The following NTPCR variants were observed in gnomAD, a reference collection of about 807,000 sequenced individuals.
NTPCR encodes nucleoside-triphosphatase, cancer-related.
A neutral mutation model predicts 19.5 loss-of-function variants in NTPCR; 15 were observed. The ratio of observed to expected loss-of-function variants is 0.77; its 90% CI spans 0.51 to 1.18. NTPCR has a LOEUF of 1.18. NTPCR is among the 50% of genes most tolerant of loss of function. The pLI, the probability that NTPCR is intolerant of heterozygous loss-of-function variation, is 0.00. For missense variants in NTPCR, 206 were observed against 240.4 expected (o/e 0.86, Z 0.95); for synonymous variants, 90 against 95.8 (o/e 0.94, Z 0.36).
intron 3 of NTPCR, among the ~76,000 whole-genome samples, chr1:232,957,542 T>A (rs918247166): frequency 1.3e-5 from 2 of 152,244 alleles, no homozygotes; most frequent in South Asian, 4.1e-4. Flanking sequence ...CACTTCTTTC[T>A]TTATTTTAGT....
At chr1:232,957,046 C>A (rs150894342) in intron 3 of NTPCR, among the ~76,000 whole-genome samples, 1 of 152,252 alleles carries the variant, frequency 6.6e-6, no homozygotes, top group East Asian at 1.9e-4. Flanking sequence ...AGTATTTAGT[C>A]TTTCACCATT....
In NTPCR at chr1:232,956,538, G is replaced by T. The variant is rs566222083; in HGVS notation, c.294+95G>T. On this transcript the variant is annotated intron_variant, in intron 3 of 4. Coordinates refer to ENST00000366628, the MANE Select transcript of NTPCR (RefSeq NM_032324.3). ...AACAGAATGCCTTTTGCTCTTAAAGGCCCCAGTTTTGCATTTTACAATTGA... is the reference window on the plus strand; with the variant it reads ...AACAGAATGCCTTTTGCTCTTAAAGTCCCCAGTTTTGCATTTTACAATTGA... The T allele has an allele frequency of 1.6e-5, 13 of 816,116 alleles. No homozygotes were observed. In the African/African-American group the frequency reaches 1.9e-4, roughly 12 times the overall value. 50.6% of individuals were successfully genotyped at this position (816,116 alleles called of 1,614,324 possible). A position where few individuals can be genotyped will look rare whatever the true frequency, so the allele number is the denominator to read the frequency against.
rs959754193 is a variant in NTPCR at position 232,981,782 on chromosome 1, A to G, written c.*3551A>G. 1 of 138,120 alleles carries G rather than the reference A, an allele frequency of 7.2e-6. No individual in the cohort carries two copies. The highest frequency in any genetic ancestry group is 2.8e-5 in the African/African-American group (1 of 36,186). 8.6% of individuals were successfully genotyped at this position (138,120 alleles called of 1,614,324 possible). On this transcript the variant is annotated 3_prime_UTR_variant, in exon 5 of 5. Coordinates refer to ENST00000366628, the MANE Select transcript of NTPCR (RefSeq NM_032324.3). ...GCTTGAGCTGGAGTGCAGTGGTGCT[A>G]TCTCGGCTCACTGTAACCTCCGCCT...
intron 4 of NTPCR, 105 bp downstream of exon 4, chr1:232,970,223 T>C: frequency 2.2e-6 from 2 of 900,284 alleles, no homozygotes; most frequent in Non-Finnish European, 1.7e-6. Context: ...ATTTTTTCCC[T>C]TCCATGCTGA....
chr1:232,960,639 G>T (rs74230943), intron 3 of NTPCR, among the ~76,000 whole-genome samples: 6,655 of 152,222 alleles, frequency 0.044, 201 homozygotes, highest in South Asian at 0.086. Context: ...ACTGTGCCTA[G>T]CCTGGTTACG....
At chr1:232,974,491 A>G (rs535554883) in intron 4 of NTPCR, among the ~76,000 whole-genome samples, 76 of 152,340 alleles carry the variant, frequency 5.0e-4, no homozygotes, top group African/African-American at 1.8e-3. Flanking sequence ...TATGTTTGAC[A>G]GTTGAGGCAA....
chr1:232,968,875 C>G (rs1315853773), intron 3 of NTPCR: 1 of 152,206 alleles, frequency 6.6e-6, no homozygotes, highest in Non-Finnish European at 1.5e-5. Context: ...ATTACATGTT[C>G]TGTTTTGTCC....
chr1:232,957,287 A>T (rs1007646094), intron 3 of NTPCR, among the ~76,000 whole-genome samples: 9 of 152,096 alleles, frequency 5.9e-5, no homozygotes, highest in Non-Finnish European at 7.4e-5. Context: ...TTTTCTTTGA[A>T]TAATTGATAG....
intron 1 of NTPCR, among the ~76,000 whole-genome samples, chr1:232,952,234 G>A (rs2102734185): frequency 6.6e-6 from 1 of 152,200 alleles, no homozygotes; most frequent in Middle Eastern, 3.4e-3. Flanking sequence ...TTTAGAGACA[G>A]GATCTTGCTT....
chr1:232,953,730 G>A (rs574086412), intron 1 of NTPCR, among the ~76,000 whole-genome samples: 33 of 151,152 alleles, frequency 2.2e-4, no homozygotes, highest in East Asian at 5.8e-4. Context: ...CTGTAGACAC[G>A]TACTTGACCA....
Position 232,978,554 on chromosome 1 carries a change from G to A in NTPCR, c.*323G>A, listed in dbSNP as rs141858092. On this transcript the variant is annotated 3_prime_UTR_variant, in exon 5 of 5. Coordinates refer to ENST00000366628, the MANE Select transcript of NTPCR (RefSeq NM_032324.3). ...AGAGTATTAGATGGAATTCACCCCC[G>A]TTGAAGTTTATAAATGTGTTCAGGG... 3 of 207,512 alleles carry A rather than the reference G, an allele frequency of 1.4e-5. No homozygotes were observed. Among genetic ancestry groups the A allele is most frequent in the East Asian group, 1.1e-4 (1 of 8,860 alleles). 12.9% of individuals were successfully genotyped at this position (207,512 alleles called of 1,614,324 possible).
At chr1:232,957,543 T>G (rs1348165119) in intron 3 of NTPCR, among the ~76,000 whole-genome samples, 1 of 152,234 alleles carries the variant, frequency 6.6e-6, no homozygotes, top group African/African-American at 2.4e-5. Context: ...ACTTCTTTCT[T>G]TATTTTAGTT....
At chr1:232,969,739 C>T (rs1394619726) in intron 3 of NTPCR, 170 bp from the exon 4 acceptor site, 1 of 568,892 alleles carries the variant, frequency 1.8e-6, no homozygotes, top group Non-Finnish European at 3.1e-6. Flanking sequence ...TTGTGCAGTC[C>T]CCTCCCACAC....
chr1:232,953,198 C>A (rs2102735496), intron 1 of NTPCR, among the ~76,000 whole-genome samples: 1 of 152,170 alleles, frequency 6.6e-6, no homozygotes, highest in Middle Eastern at 3.4e-3. Context: ...ATCATGTTGT[C>A]ACTGCCCAGG....
Position 232,956,451 on chromosome 1 carries a change from C to T in NTPCR, c.294+8C>T, listed in dbSNP as rs749440000. The T allele has an allele frequency of 4.7e-5, 75 of 1,589,550 alleles. No individual in the cohort carries two copies. Among genetic ancestry groups the T allele is most frequent in the East Asian group, 8.9e-5 (4 of 44,764 alleles). On this transcript the variant is annotated splice_region_variant and intron_variant, in intron 3 of 4. Coordinates refer to ENST00000366628, the MANE Select transcript of NTPCR (RefSeq NM_032324.3). ...CTACCCGTCTTGAGGAATGTGAGTACGTGATTTCTGCTTTTTGAACCCATC... is the reference window on the plus strand; with the variant it reads ...CTACCCGTCTTGAGGAATGTGAGTATGTGATTTCTGCTTTTTGAACCCATC...
intron 2 of NTPCR, among the ~76,000 whole-genome samples, 172 bp from the exon 3 acceptor site, chr1:232,956,175 T>G (rs1000677617): frequency 2.0e-5 from 3 of 152,126 alleles, no homozygotes; most frequent in African/African-American, 7.2e-5. Context: ...ACAGGGTAGC[T>G]CTGTTCAAAG....
intron 4 of NTPCR, among the ~76,000 whole-genome samples, chr1:232,971,138 T>C (rs1174008328): frequency 6.6e-6 from 1 of 152,212 alleles, no homozygotes; most frequent in Admixed American, 6.5e-5. Context: ...CCCTCTGTTT[T>C]CCTCTCAGTC....
chr1:232,973,055 ATG>A (rs1669026148), intron 4 of NTPCR, among the ~76,000 whole-genome samples: 1 of 152,212 alleles, frequency 6.6e-6, no homozygotes, highest in Admixed American at 6.5e-5. Flanking sequence ...AGGTAAGAAA[ATG>A]AGCTATGAAA....
At chr1:232,975,761 T>G (rs1291302124) in intron 4 of NTPCR, among the ~76,000 whole-genome samples, 2 of 152,154 alleles carry the variant, frequency 1.3e-5, no homozygotes, top group East Asian at 3.8e-4. Flanking sequence ...AAGGCTCCAG[T>G]GCAGAAAAAA....
Sources: allele counts gnomAD v4.1 joint callset (sites outside exome capture counted in the v4.1 genomes callset), GRCh38; gene constraint gnomAD v4.1.1; transcripts MANE v1.5; gene names NCBI Gene and HGNC (gene_info 2026-07-23, HGNC 2026-07-21).